The following NUP160 variants were observed in gnomAD, a reference collection of about 807,000 sequenced individuals.
NUP160 encodes the protein nuclear pore complex protein Nup160.
A neutral mutation model predicts 196.9 loss-of-function variants in NUP160; 94 were observed. The observed-to-expected ratio is 0.48, with a 90% confidence interval of 0.40 to 0.57. The LOEUF (loss-of-function observed/expected upper bound fraction) is 0.57. Among genes scored for constraint, NUP160 ranks in the 20% least tolerant of loss-of-function variants. The pLI, the probability that NUP160 is intolerant of heterozygous loss-of-function variation, is 0.00. For missense variants in NUP160, 1,638 were observed against 1,748.3 expected (o/e 0.94, Z 1.13); for synonymous variants, 605 against 619.7 (o/e 0.98, Z 0.35).
intron 10 of NUP160, 115 bp from the exon 11 acceptor site, chr11:47,818,239 A>T: frequency 1.5e-6 from 1 of 676,792 alleles, no homozygotes; most frequent in Non-Finnish European, 2.7e-6. Context: ...GCCCTTCTAT[A>T]TGTGGGCAAT....
rs143173333 is a variant in NUP160 at position 47,846,110 on chromosome 11, T to C, written c.314+1738A>G. Among the ~76,000 whole-genome samples the C allele has an allele frequency of 2.7e-5, 4 of 147,102 alleles. No homozygotes were observed. In the East Asian group the frequency reaches 8.0e-4, roughly 29 times the overall value. On this transcript the variant is annotated intron_variant, in intron 2 of 35. Transcript: ENST00000378460. ...ATAATTGCACCAATGCACTCCAGCC[T>C]GGACAATGGAGCCAGACTGTCTCTC... is the stretch of plus-strand genomic sequence containing the variant.
chr11:47,846,273 A>T (rs1467417608), intron 2 of NUP160, among the ~76,000 whole-genome samples: 1 of 152,086 alleles, frequency 6.6e-6, no homozygotes, highest in Admixed American at 6.6e-5. Flanking sequence ...CACTGTGCCC[A>T]GCCAAAATAT....
At chr11:47,787,089 C>CT (rs56249837) in intron 31 of NUP160, 4 of 140,906 alleles carry the variant, frequency 2.8e-5, no homozygotes, top group African/African-American at 5.2e-5. Context: ...CACCTGGCCT[C>CT]TTTTTTTTTT....
intron 13 of NUP160, 106 bp downstream of exon 13, chr11:47,815,373 T>C: frequency 1.3e-6 from 1 of 792,598 alleles, no homozygotes; most frequent in Non-Finnish European, 1.9e-6. Flanking sequence ...TTCACCAGAC[T>C]AACATTCGGC....
Position 47,812,433 on chromosome 11 carries a change from T to C in NUP160, c.1953-4A>G, listed in dbSNP as rs369946271. 53 of 1,611,160 alleles carry C rather than the reference T, an allele frequency of 3.3e-5. No homozygotes were observed. The highest frequency in any genetic ancestry group is 3.4e-4 in the Middle Eastern group (2 of 5,968). The stretch of plus-strand genomic sequence containing the variant: ...AATATCCTCCATCACATTTTCTCTA[T>C]AAGGACAATTACAAAACTCTTATTA... On this transcript the variant is annotated splice_polypyrimidine_tract_variant and splice_region_variant and intron_variant, in intron 15 of 35. Coordinates refer to ENST00000378460, the Ensembl canonical transcript of NUP160.
exon 20 of NUP160, chr11:47,806,298 T>A (rs767629495): frequency 1.2e-6 from 2 of 1,612,986 alleles, no homozygotes; most frequent in African/African-American, 2.7e-5. Context: ...TCCACAATAG[T>A]CTGAGGACTA....
intron 19 of NUP160, 82 bp from the exon 20 acceptor site, chr11:47,806,394 G>A (rs2097677631): frequency 8.9e-7 from 1 of 1,122,958 alleles, no homozygotes; most frequent in Admixed American, 2.3e-5. Context: ...TTCATTTTAT[G>A]CTTGTAACAA....
chr11:47,788,669 T>G (rs2097666143), intron 29 of NUP160, 58 bp from the exon 30 acceptor site: 1 of 1,060,752 alleles, frequency 9.4e-7, no homozygotes, highest in Non-Finnish European at 1.4e-6. Flanking sequence ...ATCCATCAGA[T>G]TAACGCAACC....
intron 34 of NUP160, among the ~76,000 whole-genome samples, chr11:47,781,357 G>A (rs543914748): frequency 1.3e-5 from 2 of 151,832 alleles, no homozygotes; most frequent in African/African-American, 2.4e-5. Flanking sequence ...CAACCTCCAG[G>A]GCTCATGTGA....
chr11:47,840,128 T>C, intron 3 of NUP160, 63 bp from the exon 4 acceptor site: 1 of 1,258,524 alleles, frequency 7.9e-7, no homozygotes, highest in Non-Finnish European at 1.1e-6. Flanking sequence ...GCTCAGTTCC[T>C]CTCTATTGCT....
At chr11:47,812,332 C>T in exon 16 of NUP160, 1 of 1,614,110 alleles carries the variant, frequency 6.2e-7, no homozygotes, top group Non-Finnish European at 8.5e-7. Context: ...ATTTCCACTT[C>T]TGTTTCATAA....
intron 29 of NUP160, 150 bp downstream of exon 29, chr11:47,791,780 G>A (rs952360196): frequency 2.3e-5 from 13 of 570,928 alleles, no homozygotes; most frequent in Admixed American, 3.8e-5. Context: ...GTTAAAACTT[G>A]TGTTTTACAA....
At chr11:47,835,895 G>A (rs896266301) in intron 6 of NUP160, 86 bp from the exon 7 acceptor site, 6 of 1,051,376 alleles carry the variant, frequency 5.7e-6, no homozygotes, top group Non-Finnish European at 6.9e-6. Context: ...ACCTTTCATT[G>A]TATCTACTGC....
intron 34 of NUP160, among the ~76,000 whole-genome samples, chr11:47,781,177 CAT>C (rs2097660586): frequency 6.6e-6 from 1 of 151,952 alleles, no homozygotes; most frequent in South Asian, 2.1e-4. Context: ...GAGCCGAGAT[CAT>C]GCCACTGCAC....
chr11:47,816,986 T>TTG, intron 11 of NUP160, among the ~76,000 whole-genome samples: 1 of 150,950 alleles, frequency 6.6e-6, no homozygotes, highest in South Asian at 2.1e-4. Context: ...GTTTTTTTTT[T>TTG]TTTTTTTAAG....
At chr11:47,844,235 T>C (rs1852358165) in intron 2 of NUP160, among the ~76,000 whole-genome samples, 2 of 152,180 alleles carry the variant, frequency 1.3e-5, no homozygotes, top group Non-Finnish European at 2.9e-5. Context: ...CTAACTGGTC[T>C]CCCTGCACCT....
intron 7 of NUP160, among the ~76,000 whole-genome samples, chr11:47,834,901 G>A (rs1308251853): frequency 6.6e-6 from 1 of 152,114 alleles, no homozygotes; most frequent in Non-Finnish European, 1.5e-5. Context: ...TGGGTGAGGA[G>A]GAGGTCCATT....
At chr11:47,820,965 G>A (rs1851846054) in intron 9 of NUP160, among the ~76,000 whole-genome samples, 1 of 145,108 alleles carries the variant, frequency 6.9e-6, no homozygotes, top group African/African-American at 2.4e-5. Flanking sequence ...TTACAGGTAT[G>A]AGCCACTGTG....
chr11:47,822,522 C>T (rs1303238821), intron 7 of NUP160, among the ~76,000 whole-genome samples: 1 of 151,750 alleles, frequency 6.6e-6, no homozygotes, highest in Admixed American at 6.6e-5. Flanking sequence ...TCCCAAAGAA[C>T]TGGGATTACA....
Sources: gnomAD v4.1 joint callset for allele counts (sites outside exome capture counted in the v4.1 genomes callset) on GRCh38, gnomAD v4.1.1 for gene constraint, MANE v1.5 for transcripts, NCBI Gene and HGNC (gene_info 2026-07-23, HGNC 2026-07-21) for gene names.